The following CAPZA2 variants were observed in gnomAD, a reference collection of about 807,000 sequenced individuals.
CAPZA2 encodes F-actin-capping protein subunit alpha-2.
In CAPZA2, 13 loss-of-function variants were observed where a neutral mutation model predicts 44.0. The observed-to-expected ratio is 0.30, with a 90% CI of 0.19 to 0.47. The LOEUF is 0.47. Among genes scored for constraint, CAPZA2 ranks in the 20% least tolerant of loss-of-function variants. The pLI, the probability that CAPZA2 is intolerant of heterozygous loss-of-function variation, is 1.00. For missense variants in CAPZA2, 244 were observed against 338.6 expected (o/e 0.72, Z 2.19); for synonymous variants, 94 against 108.2 (o/e 0.87, Z 0.81).
rs566222539 is a variant in CAPZA2 at position 116,916,551 on chromosome 7, G to C, written c.720+429G>C. Reference sequence around the variant, plus strand: ...TGAGGCAGGACAATCGCTTGAACCTGAGAGGCAGAGGTTGCAGTGAGCTGA... The same window carrying C: ...TGAGGCAGGACAATCGCTTGAACCTCAGAGGCAGAGGTTGCAGTGAGCTGA... On this transcript the variant is annotated intron_variant, in intron 9 of 9. Coordinates refer to ENST00000361183, the MANE Select transcript of CAPZA2 (RefSeq NM_006136.3). 7.2e-5 allele frequency among the ~76,000 whole-genome samples: 11 copies of C among 152,224 alleles called. No homozygotes were observed. In the South Asian group the frequency reaches 2.3e-3, roughly 32 times the overall value.
chr7:116,903,783 A>G (rs1460726989), intron 4 of CAPZA2, among the ~76,000 whole-genome samples: 2 of 152,254 alleles, frequency 1.3e-5, no homozygotes, highest in Admixed American at 1.3e-4. Flanking sequence ...GACCAAAGCC[A>G]TTCAGGTAAC....
intron 8 of CAPZA2, among the ~76,000 whole-genome samples, chr7:116,914,155 GTA>G (rs1791638570): frequency 6.6e-6 from 1 of 151,096 alleles, no homozygotes; most frequent in Non-Finnish European, 1.5e-5. Flanking sequence ...AGCCTCCCGA[GTA>G]GCTGGGACTA....
intron 1 of CAPZA2, among the ~76,000 whole-genome samples, chr7:116,883,374 T>C (rs1342745305): frequency 1.3e-5 from 2 of 152,180 alleles, no homozygotes; most frequent in East Asian, 3.8e-4. Context: ...TAGCAGTGGA[T>C]AAAAAATACC....
intron 3 of CAPZA2, 107 bp from the exon 4 acceptor site, chr7:116,898,665 G>A (rs1025547055): frequency 1.2e-5 from 7 of 586,640 alleles, no homozygotes; most frequent in African/African-American, 5.8e-5. Flanking sequence ...TTATTTTGCA[G>A]TGTGCAATGT....
intron 1 of CAPZA2, among the ~76,000 whole-genome samples, chr7:116,867,394 C>T (rs780814421): frequency 4.6e-5 from 7 of 152,196 alleles, no homozygotes; most frequent in Non-Finnish European, 7.3e-5. Context: ...CATTTCTCTA[C>T]TCTCAAAATT....
At chr7:116,870,770 C>G (rs1026705601) in intron 1 of CAPZA2, among the ~76,000 whole-genome samples, 1 of 152,082 alleles carries the variant, frequency 6.6e-6, no homozygotes, top group African/African-American at 2.4e-5. Flanking sequence ...AAAAAAAGAT[C>G]GCCAATAGAT....
At chr7:116,887,138 T>A (rs976326486) in intron 1 of CAPZA2, among the ~76,000 whole-genome samples, 1 of 152,230 alleles carries the variant, frequency 6.6e-6, no homozygotes, top group Non-Finnish European at 1.5e-5. Context: ...TTGTTCTTCA[T>A]TTTATTTATG....
chr7:116,899,101 G>GA (rs1464029826), intron 4 of CAPZA2, among the ~76,000 whole-genome samples: 2 of 151,598 alleles, frequency 1.3e-5, no homozygotes, highest in Non-Finnish European at 2.9e-5. Flanking sequence ...TTTTTTCTGG[G>GA]AAAAAAATCA....
chr7:116,905,148 AAAAAG>A (rs1292590938), intron 5 of CAPZA2, among the ~76,000 whole-genome samples: 2 of 151,702 alleles, frequency 1.3e-5, no homozygotes, highest in Non-Finnish European at 2.9e-5. Flanking sequence ...CAAAAAAAAA[AAAAAG>A]AAAAGAAAAA....
Position 116,914,549 on chromosome 7 carries a change from C to A in CAPZA2, c.658-1511C>A, listed in dbSNP as rs570013945. On this transcript the variant is annotated intron_variant, in intron 8 of 9. Transcript: ENST00000361183. ...TGAATACAGCTCACTGCAGCCTCGACATCCTGGGCTCAAGCCATCCTCCTG... is the reference window on the plus strand; with the variant it reads ...TGAATACAGCTCACTGCAGCCTCGAAATCCTGGGCTCAAGCCATCCTCCTG... 7.2e-5 allele frequency among the ~76,000 whole-genome samples: 11 copies of A among 152,142 alleles called. No homozygotes were observed. In the South Asian group the frequency reaches 2.3e-3, roughly 32 times the overall value.
At chr7:116,890,018 A>G (rs1796811076) in intron 2 of CAPZA2, among the ~76,000 whole-genome samples, 1 of 152,208 alleles carries the variant, frequency 6.6e-6, no homozygotes, top group African/African-American at 2.4e-5. Flanking sequence ...AAAAAGTGGC[A>G]TGTAACTTAA....
At chr7:116,867,286 C>A (rs1467233989) in intron 1 of CAPZA2, among the ~76,000 whole-genome samples, 1 of 152,122 alleles carries the variant, frequency 6.6e-6, no homozygotes, top group Non-Finnish European at 1.5e-5. Context: ...CATATCTGTT[C>A]TTTCCCTTCT....
At position 116,919,225 on chromosome 7, in the gene CAPZA2, T is replaced by A. The variant is rs1791728768; in HGVS notation, c.*1358T>A. 1 of 152,574 alleles carries A rather than the reference T, an allele frequency of 6.6e-6. No homozygotes were observed. The highest frequency in any genetic ancestry group is 6.5e-5 in the Admixed American group (1 of 15,276). The allele number at this position is 152,574 out of a possible 1,614,324, so 9.5% of individuals were successfully genotyped here. On this transcript the variant is annotated 3_prime_UTR_variant, in exon 10 of 10. Transcript: ENST00000361183. ...TTTCTTTTTAAAATCACTGTTGGGC[T>A]TTGAAAGCATTGAGAATATAATATG... is the stretch of plus-strand genomic sequence containing the variant.
chr7:116,873,833 T>C (rs970912804), intron 1 of CAPZA2: 3 of 153,986 alleles, frequency 1.9e-5, no homozygotes, highest in African/African-American at 7.2e-5. Flanking sequence ...TACTTCACCA[T>C]GGAGCTTGTC....
At position 116,904,320 on chromosome 7, in the gene CAPZA2, A is replaced by G. The variant is rs759052499; in HGVS notation, c.363A>G (p.Arg121=). Residue 121 remains arginine, a synonymous_variant, in exon 5 of 10, where the codon AGA becomes AGG. Coordinates refer to ENST00000361183, the MANE Select transcript of CAPZA2 (RefSeq NM_006136.3). ...CEVENAVESW[R]TSVETALRAY... Reference sequence around the variant, plus strand: ...TAGAAAATGCAGTTGAATCATGGAGAACTTCAGTAGAAACTGCTCTGAGAG... The same window carrying G: ...TAGAAAATGCAGTTGAATCATGGAGGACTTCAGTAGAAACTGCTCTGAGAG... 3 of 1,613,816 alleles carry G rather than the reference A, an allele frequency of 1.9e-6. No individual in the cohort carries two copies.
chr7:116,875,830 A>G (rs1309683263), intron 1 of CAPZA2: 2 of 152,084 alleles, frequency 1.3e-5, no homozygotes, highest in Non-Finnish European at 2.9e-5. Flanking sequence ...GGTGTAAGCC[A>G]TGGCACCTGG....
At chr7:116,904,969 T>TAAAAAAA (rs371485695) in intron 5 of CAPZA2, among the ~76,000 whole-genome samples, 103 of 95,568 alleles carry the variant, frequency 1.1e-3, no homozygotes, top group Non-Finnish European at 1.4e-3. Flanking sequence ...TGTCTCTACT[T>TAAAAAAA]AAAAAAAAAA....
At chr7:116,910,990 CA>C (rs57772383) in intron 7 of CAPZA2, among the ~76,000 whole-genome samples, 124 of 50,590 alleles carry the variant, frequency 2.5e-3, no homozygotes, top group Non-Finnish European at 2.8e-3. Flanking sequence ...GACTCCGTCT[CA>C]AAAAAAAAAA....
At chr7:116,890,112 A>C (rs924583010) in intron 2 of CAPZA2, among the ~76,000 whole-genome samples, 1 of 152,124 alleles carries the variant, frequency 6.6e-6, no homozygotes, top group Non-Finnish European at 1.5e-5. Flanking sequence ...TTTTAAGAAA[A>C]ATTTTCTACA....
Sources: gnomAD v4.1 joint callset for allele counts (sites outside exome capture counted in the v4.1 genomes callset) on GRCh38, gnomAD v4.1.1 for gene constraint, MANE v1.5 for transcripts, NCBI Gene and HGNC (gene_info 2026-07-23, HGNC 2026-07-21) for gene names.